FOXP2: variants seen among roughly 807,000 people sequenced by gnomAD.
FOXP2 encodes the protein forkhead box P2, also known as forkhead box protein P2.
A neutral mutation model predicts 115.8 loss-of-function variants in FOXP2; 12 were observed. That is an observed-to-expected ratio of 0.10 (90% CI 0.07 to 0.17). FOXP2 has a LOEUF of 0.17. Among genes scored for constraint, FOXP2 ranks in the 10% least tolerant of loss-of-function variants. FOXP2 has a pLI of 1.00. For missense variants in FOXP2, 629 were observed against 843.5 expected, an observed-to-expected ratio of 0.75 and a Z score of 3.15; for synonymous variants, 328 against 297.7, an observed-to-expected ratio of 1.10 and a Z score of -1.05.
Position 114,631,561 on chromosome 7 carries a change from G to A in FOXP2, c.631G>A (p.Ala211Thr). The A allele has an allele frequency of 6.3e-7, 1 of 1,591,588 alleles. No individual in the cohort carries two copies. Among genetic ancestry groups the A allele is most frequent in the African/African-American group, 1.3e-5 (1 of 74,492 alleles). The change falls in exon 6 of 17, where the codon GCA becomes ACA. Residue 211 changes from alanine (A) to threonine (T), a missense_variant. By Grantham distance (58) the Ala-to-Thr change is moderately conservative (BLOSUM62 0). Transcript: ENST00000350908. ...GCAGCAGCAGCAGCAACAGCAATTG[G>A]CAGCCCAGCAGCTTGTCTTCCAGCA... ...QQQQQQQQQL[A>T]AQQLVFQQQL...
intron 1 of FOXP2, among the ~76,000 whole-genome samples, chr7:114,251,679 G>C (rs1795448374): frequency 6.6e-6 from 1 of 152,158 alleles, no homozygotes; most frequent in Admixed American, 6.5e-5. Context: ...TCAGCTTAAG[G>C]AGATTTTGAG....
intron 1 of FOXP2, among the ~76,000 whole-genome samples, chr7:114,216,469 A>C (rs1794487215): frequency 6.6e-6 from 1 of 152,194 alleles, no homozygotes; most frequent in Admixed American, 6.6e-5. Context: ...AAGAGTTAAA[A>C]ATAATAAGAA....
intron 2 of FOXP2, among the ~76,000 whole-genome samples, chr7:114,371,875 T>C (rs1248561058): frequency 6.6e-6 from 1 of 152,200 alleles, no homozygotes; most frequent in African/African-American, 2.4e-5. Flanking sequence ...TAGGCAATAC[T>C]GTCAAAAGAA....
chr7:114,227,631 G>A (rs908954223), intron 1 of FOXP2, among the ~76,000 whole-genome samples: 5 of 151,736 alleles, frequency 3.3e-5, no homozygotes, highest in Admixed American at 1.3e-4. Context: ...AGGAATATTT[G>A]TTTATTTGTA....
chr7:114,623,757 A>G (rs1353319618), intron 3 of FOXP2, among the ~76,000 whole-genome samples: 1 of 151,936 alleles, frequency 6.6e-6, no homozygotes, highest in African/African-American at 2.4e-5. Context: ...AATGAATACT[A>G]AAACTTGTGT....
chr7:114,398,113 T>C (rs1172233055), intron 2 of FOXP2, among the ~76,000 whole-genome samples: 1 of 152,040 alleles, frequency 6.6e-6, no homozygotes, highest in African/African-American at 2.4e-5. Flanking sequence ...AAAGTTAACA[T>C]ATAATAAAAG....
intron 1 of FOXP2, among the ~76,000 whole-genome samples, chr7:114,245,183 T>G (rs576143351): frequency 2.6e-5 from 4 of 152,326 alleles, no homozygotes; most frequent in Admixed American, 6.5e-5. Context: ...ATTTCTTGCC[T>G]TTATTTCGAT....
intron 3 of FOXP2, among the ~76,000 whole-genome samples, chr7:114,611,894 G>A (rs535122228): frequency 3.3e-5 from 5 of 152,102 alleles, no homozygotes; most frequent in Non-Finnish European, 7.4e-5. Context: ...TAAGAGAGTG[G>A]GAGAGGGATT....
At chr7:114,631,161 GAA>G (rs879692525) in intron 5 of FOXP2, 713 of 245,604 alleles carry the variant, frequency 2.9e-3, no homozygotes, top group South Asian at 6.1e-3. Context: ...TATTCAATTG[GAA>G]AAAAAAAAAA....
chr7:114,628,997 C>T (rs1399685640), intron 4 of FOXP2: 3 of 324,036 alleles, frequency 9.3e-6, no homozygotes, highest in Non-Finnish European at 1.8e-5. Flanking sequence ...AAAATACTTA[C>T]CAGATAATAG....
At chr7:114,609,858 T>A (rs1334371615) in intron 3 of FOXP2, among the ~76,000 whole-genome samples, 2 of 152,226 alleles carry the variant, frequency 1.3e-5, no homozygotes, top group East Asian at 3.8e-4. Context: ...TTGATTTACC[T>A]TCTATTTGAA....
At chr7:114,253,247 G>C (rs1261153181) in intron 1 of FOXP2, among the ~76,000 whole-genome samples, 2 of 152,168 alleles carry the variant, frequency 1.3e-5, no homozygotes, top group Non-Finnish European at 2.9e-5. Context: ...GTGGTGTGGT[G>C]CTGAGAAGAA....
chr7:114,392,714 A>G (rs1472453613), intron 2 of FOXP2, among the ~76,000 whole-genome samples: 1 of 152,180 alleles, frequency 6.6e-6, no homozygotes, highest in African/African-American at 2.4e-5. Flanking sequence ...CAGTAATCCC[A>G]AGACCTACAA....
At chr7:114,307,456 A>G (rs1797041467) in intron 2 of FOXP2, among the ~76,000 whole-genome samples, 1 of 152,156 alleles carries the variant, frequency 6.6e-6, no homozygotes, top group Non-Finnish European at 1.5e-5. Flanking sequence ...GTCATTACCA[A>G]TAATTGCAGG....
At chr7:114,629,627 T>C (rs760465358) in intron 4 of FOXP2, 178 bp from the exon 5 acceptor site, 1 of 1,579,950 alleles carries the variant, frequency 6.3e-7, no homozygotes, top group Non-Finnish European at 8.6e-7. Context: ...ATTTCAGAGC[T>C]GCCTTGGAAA....
At chr7:114,147,153 GGTTAA>G (rs1157612084) in intron 1 of FOXP2, among the ~76,000 whole-genome samples, 1 of 152,044 alleles carries the variant, frequency 6.6e-6, no homozygotes, top group African/African-American at 2.4e-5. Context: ...ATTTATTCTT[GGTTAA>G]GTTATTTAAT....
chr7:114,382,908 C>G (rs1792343668), intron 2 of FOXP2, among the ~76,000 whole-genome samples: 1 of 152,128 alleles, frequency 6.6e-6, no homozygotes, highest in Non-Finnish European at 1.5e-5. Flanking sequence ...AGCCTTCTTC[C>G]TAGTTTTCCT....
chr7:114,107,305 T>C (rs1479033964), intron 1 of FOXP2, among the ~76,000 whole-genome samples: 1 of 152,036 alleles, frequency 6.6e-6, no homozygotes, highest in Non-Finnish European at 1.5e-5. Context: ...CCTTTCTGTC[T>C]AATGGTCGAG....
At chr7:114,242,614 T>C (rs1165558473) in intron 1 of FOXP2, among the ~76,000 whole-genome samples, 2 of 152,166 alleles carry the variant, frequency 1.3e-5, no homozygotes, top group Non-Finnish European at 2.9e-5. Context: ...TCGTGGGAAA[T>C]TGGGAGCCAA....
Sources: gnomAD v4.1 joint callset for allele counts (sites outside exome capture counted in the v4.1 genomes callset) on GRCh38, gnomAD v4.1.1 for gene constraint, MANE v1.5 for transcripts, NCBI Gene and HGNC (gene_info 2026-07-23, HGNC 2026-07-21) for gene names.